The following YAE1 variants were observed in gnomAD, a reference collection of about 807,000 sequenced individuals.
YAE1 encodes the protein YAE1 maturation factor of ABCE1, also known as protein YAE1 homolog.
In YAE1, 22 loss-of-function variants were observed where a neutral mutation model predicts 23.0. That is an observed-to-expected ratio of 0.96 (90% CI 0.68 to 1.37). The LOEUF (loss-of-function observed/expected upper bound fraction) is 1.37. YAE1 is among the 40% of genes most tolerant of loss of function. YAE1 has a pLI of 0.00. For synonymous variants in YAE1, 101 were observed against 97.0 expected (o/e 1.04, Z -0.24); for missense variants, 260 against 262.1 (o/e 0.99, Z 0.06).
intron 2 of YAE1, among the ~76,000 whole-genome samples, chr7:39,578,393 T>C (rs1790689131): frequency 6.6e-6 from 1 of 152,080 alleles, no homozygotes; most frequent in African/African-American, 2.4e-5. Flanking sequence ...AAGGGTCTAG[T>C]TGCAGGCTGC....
chr7:39,612,081 CTTAAG>C (rs1434527118), downstream of YAE1, among the ~76,000 whole-genome samples: 9 of 151,688 alleles, frequency 5.9e-5, no homozygotes, highest in South Asian at 2.1e-4. Flanking sequence ...AAATAAATTA[CTTAAG>C]TTATTTGTTT....
At chr7:39,597,771 A>T (rs1277768783) in intron 2 of YAE1, among the ~76,000 whole-genome samples, 1 of 151,992 alleles carries the variant, frequency 6.6e-6, no homozygotes, top group Non-Finnish European at 1.5e-5. Context: ...TTCACTTCCC[A>T]AAAGATTTAC....
At chr7:39,599,016 G>T (rs934666978) in intron 2 of YAE1, among the ~76,000 whole-genome samples, 3 of 152,048 alleles carry the variant, frequency 2.0e-5, no homozygotes, top group Non-Finnish European at 2.9e-5. Flanking sequence ...GCCAAGGCAG[G>T]CAGTTCACTT....
At chr7:39,577,344 C>T (rs1029210746), downstream of YAE1, among the ~76,000 whole-genome samples, 3 of 152,248 alleles carry the variant, frequency 2.0e-5, no homozygotes, top group South Asian at 2.1e-4. Flanking sequence ...ACTCTGGCTG[C>T]GCTTGAGGAG....
intron 2 of YAE1, among the ~76,000 whole-genome samples, chr7:39,581,945 A>G (rs1790748962): frequency 6.6e-6 from 1 of 151,864 alleles, no homozygotes; most frequent in East Asian, 1.9e-4. Context: ...TTTTTTTTTA[A>G]GAGATGGAGT....
rs549789326 is a variant in YAE1, at chr7:39,603,765, A to AT, written c.252-5844dup. On this transcript the variant is annotated intron_variant, in intron 2 of 2. Coordinates refer to the YAE1 transcript ENST00000432096. ...AGTTTAGTGTGTATTATGGGAGTGG[A>AT]TTTTTTTTAAATAAATTGAGATAAA... Among the ~76,000 whole-genome samples the AT allele has an allele frequency of 5.9e-3, 898 of 152,190 alleles. 9 individuals are homozygous for AT. Among genetic ancestry groups the AT allele is most frequent in the African/African-American group, 0.02 (837 of 41,540 alleles).
At chr7:39,570,418 T>G (rs989053505) in intron 1 of YAE1, 88 bp from the exon 2 acceptor site, 58 of 1,510,678 alleles carry the variant, frequency 3.8e-5, no homozygotes, top group Non-Finnish European at 2.1e-5. Context: ...CTAATTCATC[T>G]GCTTTCTAAA....
downstream of YAE1, among the ~76,000 whole-genome samples, chr7:39,573,942 G>C (rs1304871345): frequency 2.0e-5 from 3 of 152,158 alleles, no homozygotes; most frequent in Admixed American, 6.5e-5. Context: ...TTACTAGTTT[G>C]TCTTGTTAAT....
At position 39,584,056 on chromosome 7, in the gene YAE1, T is replaced by A. The variant is rs184522890; in HGVS notation, c.251+13429T>A. On this transcript the variant is annotated intron_variant, in intron 2 of 2. Coordinates refer to the YAE1 transcript ENST00000432096. ...AACTGTCTTTACACAACCGCTATCA[T>A]GAAACTCTGCCATGACTCAGACACA... Among the ~76,000 whole-genome samples the A allele has an allele frequency of 7.9e-5, 12 of 152,294 alleles. No individual in the cohort carries two copies. The East Asian group carries it at 2.3e-3, about 29-fold the overall frequency.
intron 1 of YAE1, 160 bp downstream of exon 1, chr7:39,566,707 A>C: frequency 2.9e-6 from 3 of 1,031,320 alleles, no homozygotes; most frequent in Non-Finnish European, 4.1e-6. Context: ...CTCGATGGTT[A>C]CTTGAAAGCG....
chr7:39,574,609 T>G (rs1478062613), downstream of YAE1, among the ~76,000 whole-genome samples: 1 of 151,970 alleles, frequency 6.6e-6, no homozygotes, highest in Admixed American at 6.6e-5. Flanking sequence ...GGTGCATGCC[T>G]GTAATCCCAG....
At chr7:39,606,379 C>T (rs749505344) in intron 2 of YAE1, among the ~76,000 whole-genome samples, 4 of 152,122 alleles carry the variant, frequency 2.6e-5, no homozygotes, top group Non-Finnish European at 5.9e-5. Context: ...TATTAAACAC[C>T]TACGTGTAGT....
intron 2 of YAE1, among the ~76,000 whole-genome samples, chr7:39,585,033 G>A (rs933114334): frequency 2.0e-5 from 3 of 152,160 alleles, no homozygotes; most frequent in Non-Finnish European, 4.4e-5. Context: ...GTCCTTCATA[G>A]ATAAGGAGCG....
intron 2 of YAE1, among the ~76,000 whole-genome samples, chr7:39,598,399 G>C (rs772331141): frequency 1.4e-5 from 2 of 144,662 alleles, no homozygotes; most frequent in African/African-American, 5.2e-5. Context: ...ATAAGCCACC[G>C]CACCTGGGCC....
intron 2 of YAE1, among the ~76,000 whole-genome samples, chr7:39,590,031 T>C (rs1790879079): frequency 6.6e-6 from 1 of 152,208 alleles, no homozygotes; most frequent in Admixed American, 6.5e-5. Context: ...CAGTGTGTGA[T>C]TGCAGAAATA....
At chr7:39,592,281 C>A (rs947418814) in intron 2 of YAE1, among the ~76,000 whole-genome samples, 3 of 152,186 alleles carry the variant, frequency 2.0e-5, no homozygotes, top group African/African-American at 4.8e-5. Flanking sequence ...GTTGCTCTAC[C>A]ATTTTGCATT....
At chr7:39,583,005 A>G (rs1475420422) in intron 2 of YAE1, among the ~76,000 whole-genome samples, 2 of 152,236 alleles carry the variant, frequency 1.3e-5, no homozygotes, top group African/African-American at 4.8e-5. Flanking sequence ...ATTTAGTTAA[A>G]GGAATTATAA....
At position 39,572,350 on chromosome 7, in the gene YAE1, G is replaced by T. The variant is rs755450756; in HGVS notation, c.325G>T (p.Ala109Ser). The change falls in exon 3 of 3, where the codon GCA (alanine) becomes TCA (serine). Residue 109 changes from alanine to serine, a missense_variant. Coordinates refer to ENST00000223273, the MANE Select transcript of YAE1 (RefSeq NM_020192.5). The stretch of plus-strand genomic sequence containing the variant: ...CAATAAAATAAACAATCTTCTGGAT[G>T]CAGTTGGCCAGTGTGAAGAGTATGT... Reference protein sequence around the residue: ...LINKINNLLDAVGQCEEYVLK... With the variant: ...LINKINNLLDSVGQCEEYVLK... 4.3e-6 allele frequency: 7 copies of T among 1,614,076 alleles called. No homozygotes were observed. The highest frequency in any genetic ancestry group is 5.9e-6 in the Non-Finnish European group (7 of 1,179,966).
chr7:39,598,140 C>T (rs772806037), intron 2 of YAE1, among the ~76,000 whole-genome samples: 18 of 151,836 alleles, frequency 1.2e-4, no homozygotes, highest in Non-Finnish European at 2.2e-4. Flanking sequence ...GACAGAGCCT[C>T]ACTCTGTCAC....
Sources: allele counts gnomAD v4.1 joint callset (sites outside exome capture counted in the v4.1 genomes callset), GRCh38; gene constraint gnomAD v4.1.1; transcripts MANE v1.5; gene names NCBI Gene and HGNC (gene_info 2026-07-23, HGNC 2026-07-21).